HPSE2: variants seen among roughly 807,000 people sequenced by gnomAD.
The protein encoded by HPSE2 is inactive heparanase-2.
A neutral mutation model predicts 60.5 loss-of-function variants in HPSE2; 38 were observed. The ratio of observed to expected loss-of-function variants is 0.63; its 90% CI spans 0.48 to 0.82. The LOEUF (loss-of-function observed/expected upper bound fraction) is 0.82. Among genes scored for constraint, HPSE2 ranks in the 40% least tolerant of loss-of-function variants. HPSE2 has a pLI of 0.00. For synonymous variants in HPSE2, 295 were observed against 293.2 expected (o/e 1.01, Z -0.06); for missense variants, 713 against 740.4 (o/e 0.96, Z 0.43).
chr10:98,983,947 G>T (rs7899666), intron 3 of HPSE2, among the ~76,000 whole-genome samples: 69,507 of 152,038 alleles, frequency 0.46, 17,968 homozygotes, highest in Non-Finnish European at 0.59. Context: ...GCTCGGGGAG[G>T]GGCGACCCTC....
chr10:98,847,774 G>C (rs1952068373), intron 3 of HPSE2, among the ~76,000 whole-genome samples: 1 of 152,126 alleles, frequency 6.6e-6, no homozygotes, highest in South Asian at 2.1e-4. Flanking sequence ...TATTTTATCA[G>C]ACTAGTATCA....
At chr10:98,623,004 C>T (rs541362585) in intron 7 of HPSE2, among the ~76,000 whole-genome samples, 3 of 152,256 alleles carry the variant, frequency 2.0e-5, no homozygotes, top group Admixed American at 6.5e-5. Flanking sequence ...ATAAACTATG[C>T]ACTTCCTTTA....
chr10:99,226,196 T>C (rs1017817224), intron 2 of HPSE2, among the ~76,000 whole-genome samples: 21 of 152,082 alleles, frequency 1.4e-4, no homozygotes, highest in African/African-American at 4.8e-4. Flanking sequence ...TCCTCTCTTC[T>C]TGTCTCTCTC....
the HPSE2 span, among the ~76,000 whole-genome samples, chr10:99,286,566 T>C: frequency 6.6e-6 from 1 of 152,242 alleles, no homozygotes; most frequent in Non-Finnish European, 1.5e-5. Flanking sequence ...GCTTAATAGG[T>C]AAAGACTTTC....
At chr10:98,717,954 A>T (rs917050253) in intron 5 of HPSE2, among the ~76,000 whole-genome samples, 16 of 152,064 alleles carry the variant, frequency 1.1e-4, no homozygotes, top group African/African-American at 3.1e-4. Flanking sequence ...TGGATATATA[A>T]TTTTTTTAGA....
intron 3 of HPSE2, among the ~76,000 whole-genome samples, chr10:99,039,590 G>A (rs982991138): frequency 2.0e-4 from 30 of 151,386 alleles, no homozygotes; most frequent in Non-Finnish European, 4.3e-4. Context: ...TGAAGCAGCT[G>A]GTACTCTGGT....
intron 3 of HPSE2, among the ~76,000 whole-genome samples, chr10:99,046,860 G>A (rs1957867226): frequency 6.6e-6 from 1 of 152,164 alleles, no homozygotes; most frequent in South Asian, 2.1e-4. Context: ...TGGATGGAAA[G>A]AATCAATATC....
At chr10:99,186,945 G>A (rs1443025396) in intron 2 of HPSE2, among the ~76,000 whole-genome samples, 1 of 151,804 alleles carries the variant, frequency 6.6e-6, no homozygotes, top group African/African-American at 2.4e-5. Context: ...CCCATGCCCA[G>A]CTAGTTTTTT....
chr10:98,951,734 G>T (rs547650743), intron 3 of HPSE2, among the ~76,000 whole-genome samples: 1 of 152,240 alleles, frequency 6.6e-6, no homozygotes, highest in South Asian at 2.1e-4. Context: ...GCTCCCCAAA[G>T]GCAGAAACAG....
At chr10:99,074,015 T>G (rs1189581114) in intron 3 of HPSE2, among the ~76,000 whole-genome samples, 1 of 149,030 alleles carries the variant, frequency 6.7e-6, no homozygotes, top group East Asian at 2.0e-4. Context: ...ACAGAAATAA[T>G]TTTTACTTCT....
intron 9 of HPSE2, among the ~76,000 whole-genome samples, chr10:98,585,894 G>A (rs571913408): frequency 2.7e-5 from 4 of 148,114 alleles, no homozygotes; most frequent in African/African-American, 1.0e-4. Flanking sequence ...AGAGGTTTTG[G>A]TGAGCTGAGA....
In HPSE2 at chr10:99,094,209, A is replaced by G. The variant is rs920591263; in HGVS notation, c.610+50029T>C. 3.9e-5 allele frequency among the ~76,000 whole-genome samples: 6 copies of G among 151,938 alleles called. No individual in the cohort carries two copies. The East Asian group carries it at 9.7e-4, about 25-fold the overall frequency. ...TTTTGTTTTTTAATTTCCACATTGGAGCAGGGTTTGTCGTCGTTCACGTTA... is the reference window on the plus strand; with the variant it reads ...TTTTGTTTTTTAATTTCCACATTGGGGCAGGGTTTGTCGTCGTTCACGTTA... On this transcript the variant is annotated intron_variant, in intron 3 of 11. Transcript: ENST00000370552.
intron 3 of HPSE2, among the ~76,000 whole-genome samples, chr10:98,922,833 G>A (rs1452414240): frequency 6.6e-6 from 1 of 152,218 alleles, no homozygotes; most frequent in East Asian, 1.9e-4. Context: ...TTCTCTTTAT[G>A]TCTTATTGTA....
intron 3 of HPSE2, among the ~76,000 whole-genome samples, chr10:98,812,246 T>G (rs987164692): frequency 6.6e-6 from 1 of 152,126 alleles, no homozygotes; most frequent in East Asian, 1.9e-4. Flanking sequence ...TTAGGGAGGA[T>G]TATGAATGAA....
intron 3 of HPSE2, among the ~76,000 whole-genome samples, chr10:99,070,891 C>T (rs1312858923): frequency 6.6e-6 from 1 of 152,038 alleles, no homozygotes; most frequent in Non-Finnish European, 1.5e-5. Flanking sequence ...ACTACATATT[C>T]TTTGTCCATT....
rs1954667016 is a variant in HPSE2 at position 98,932,455 on chromosome 10, T to G, written c.611-188399A>C. Among the ~76,000 whole-genome samples the G allele has an allele frequency of 1.4e-5, 2 of 143,864 alleles. 1 individual carries two copies. Among genetic ancestry groups the G allele is most frequent in the Non-Finnish European group, 3.0e-5 (2 of 67,140 alleles). The allele number at this position is 143,864 out of a possible 152,430, so 94.4% of individuals were successfully genotyped here. On this transcript the variant is annotated intron_variant, in intron 3 of 11. Transcript: ENST00000370552. ...CTTTTTTTGTTATATCTCTGCCAGGTTTTGGAATCAGGATGATGCTGGCCT... is the reference window on the plus strand; with the variant it reads ...CTTTTTTTGTTATATCTCTGCCAGGGTTTGGAATCAGGATGATGCTGGCCT...
intron 6 of HPSE2, among the ~76,000 whole-genome samples, chr10:98,657,212 C>CGAAA (rs71966693): frequency 7.2e-6 from 1 of 138,806 alleles, no homozygotes; most frequent in Non-Finnish European, 1.6e-5. Flanking sequence ...AGAAGCTGTG[C>CGAAA]AAAAAAAAAA....
upstream of HPSE2, among the ~76,000 whole-genome samples, chr10:99,239,436 T>G (rs920528808): frequency 4.3e-5 from 6 of 138,174 alleles, no homozygotes; most frequent in African/African-American, 8.1e-5. Context: ...TTTTTTTTTT[T>G]TTTTTTTTTT....
chr10:98,923,491 C>A (rs1204890615), intron 3 of HPSE2, among the ~76,000 whole-genome samples: 1 of 152,172 alleles, frequency 6.6e-6, no homozygotes, highest in African/African-American at 2.4e-5. Flanking sequence ...CTATCCCTAT[C>A]TCTTTCTCTA....
Sources: gnomAD v4.1 joint callset for allele counts (sites outside exome capture counted in the v4.1 genomes callset) on GRCh38, gnomAD v4.1.1 for gene constraint, MANE v1.5 for transcripts, NCBI Gene and HGNC (gene_info 2026-07-23, HGNC 2026-07-21) for gene names.